EMID1: variants seen among roughly 807,000 people sequenced by gnomAD.
EMID1 encodes EMI domain-containing protein 1.
Under a neutral mutation model 60.6 loss-of-function variants are expected in EMID1, and 40 were observed. That is an observed-to-expected ratio of 0.66 (90% CI 0.51 to 0.86). The LOEUF is 0.86. Among genes scored for constraint, EMID1 ranks in the 40% least tolerant of loss-of-function variants. The pLI is 0.00. For synonymous variants in EMID1, 242 were observed against 231.0 expected, an observed-to-expected ratio of 1.05 and a Z score of -0.43; for missense variants, 585 against 597.1, an observed-to-expected ratio of 0.98 and a Z score of 0.21.
intron 1 of EMID1, among the ~76,000 whole-genome samples, chr22:29,209,253 G>A (rs1459452738): frequency 6.6e-6 from 1 of 152,180 alleles, no homozygotes; most frequent in East Asian, 1.9e-4. Flanking sequence ...GGGAGTGGCC[G>A]GTGCCAGGCT....
intron 1 of EMID1, among the ~76,000 whole-genome samples, chr22:29,213,183 G>A (rs555398492): frequency 2.0e-5 from 3 of 152,280 alleles, no homozygotes; most frequent in Admixed American, 6.5e-5. Context: ...CCCGTAACTA[G>A]GTGTGATAGC....
chr22:29,229,687 A>T (rs534778049), intron 5 of EMID1, among the ~76,000 whole-genome samples: 1 of 150,430 alleles, frequency 6.6e-6, no homozygotes, highest in African/African-American at 2.4e-5. Flanking sequence ...ATCAAATGGG[A>T]AAACCAAGCT....
intron 3 of EMID1, among the ~76,000 whole-genome samples, chr22:29,221,596 G>C (rs1377891301): frequency 6.6e-6 from 1 of 152,056 alleles, no homozygotes; most frequent in Non-Finnish European, 1.5e-5. Flanking sequence ...GGATGGTCTC[G>C]ATCTCCTGAC....
At chr22:29,210,635 C>T (rs530669501) in intron 1 of EMID1, among the ~76,000 whole-genome samples, 22 of 152,240 alleles carry the variant, frequency 1.4e-4, no homozygotes, top group South Asian at 4.2e-4. Flanking sequence ...TGAGCTGAAA[C>T]GATCCTCATC....
At chr22:29,226,365 T>C in intron 4 of EMID1, 125 bp from the exon 5 acceptor site, 8 of 1,032,984 alleles carry the variant, frequency 7.7e-6, no homozygotes, top group Non-Finnish European at 4.2e-6. Flanking sequence ...AAGCCTAAGG[T>C]CCCTCGTGGG....
chr22:29,239,906 C>CCTG (rs1165881552), intron 12 of EMID1, among the ~76,000 whole-genome samples: 10 of 115,194 alleles, frequency 8.7e-5, no homozygotes, highest in Non-Finnish European at 1.7e-4. Context: ...ACTACAGGCG[C>CCTG]CTGCCACCAC....
chr22:29,221,253 G>A (rs986570278), intron 3 of EMID1, among the ~76,000 whole-genome samples: 2 of 41,430 alleles, frequency 4.8e-5, no homozygotes, highest in African/African-American at 8.1e-5. Context: ...AGGCTAGGGA[G>A]GAGCCCTTCA....
chr22:29,234,459 C>A, intron 12 of EMID1, 110 bp downstream of exon 12: 2 of 1,279,728 alleles, frequency 1.6e-6, no homozygotes, highest in South Asian at 1.4e-5. Flanking sequence ...CCTGTCTTGT[C>A]ATTTATTTTC....
At chr22:29,218,899 A>T (rs2040186741) in intron 3 of EMID1, among the ~76,000 whole-genome samples, 1 of 152,154 alleles carries the variant, frequency 6.6e-6, no homozygotes, top group Non-Finnish European at 1.5e-5. Flanking sequence ...ACAGCAAGCA[A>T]GTATTGTCGC....
intron 14 of EMID1, among the ~76,000 whole-genome samples, chr22:29,257,147 C>T (rs2041733703): frequency 6.6e-6 from 1 of 152,130 alleles, no homozygotes; most frequent in South Asian, 2.1e-4. Context: ...CTCAGAAGTC[C>T]CACACCCACT....
rs1384270470 is a variant in EMID1, at chr22:29,248,314, A to G, written c.1119+4825A>G. Reference sequence around the variant, plus strand: ...AAATGTTTTTGCTAAAAACTAAGACACAAACACATACATTAGCCTAGGCCT... The same window carrying G: ...AAATGTTTTTGCTAAAAACTAAGACGCAAACACATACATTAGCCTAGGCCT... On this transcript the variant is annotated intron_variant, in intron 13 of 14. Coordinates refer to ENST00000334018, the MANE Select transcript of EMID1 (RefSeq NM_133455.4). Among the ~76,000 whole-genome samples, 5 of 148,364 alleles carry G rather than the reference A, an allele frequency of 3.4e-5. No individual in the cohort carries two copies. In the Admixed American group the frequency reaches 3.4e-4, roughly 10 times the overall value.
At chr22:29,257,370 T>C (rs1183561533) in intron 14 of EMID1, among the ~76,000 whole-genome samples, 1 of 152,212 alleles carries the variant, frequency 6.6e-6, no homozygotes, top group African/African-American at 2.4e-5. Flanking sequence ...CTGGGCTGGA[T>C]TGATCATCTC....
chr22:29,247,771 A>G (rs1292384020), intron 13 of EMID1, among the ~76,000 whole-genome samples: 1 of 151,840 alleles, frequency 6.6e-6, no homozygotes, highest in African/African-American at 2.4e-5. Context: ...CTGGGATTAC[A>G]AGCATGAGCC....
At position 29,234,319 on chromosome 22, in the gene EMID1, G is replaced by C. The variant is rs767787973; in HGVS notation, c.1044G>C (p.Glu348Asp). 3 of 1,614,012 alleles carry C rather than the reference G, an allele frequency of 1.9e-6. No individual in the cohort carries two copies. The African/African-American group carries it at 4.0e-5, about 22-fold the overall frequency. The change falls in exon 12 of 15, where the codon GAG becomes GAC. Residue 348 changes from glutamate (E) to aspartate (D), a missense_variant. Glu to Asp is a conservative substitution (Grantham distance 45, BLOSUM62 2). Coordinates refer to ENST00000334018, the MANE Select transcript of EMID1 (RefSeq NM_133455.4). ...GEKGERGLRG[E>D]PGPQGSAGQR... is the part of the protein sequence containing the mutation. ...CTCTTACACAGGGACTGCGTGGGGAGCCTGGCCCCCAAGGCTCTGCTGGGC... is the reference window on the plus strand; with the variant it reads ...CTCTTACACAGGGACTGCGTGGGGACCCTGGCCCCCAAGGCTCTGCTGGGC...
chr22:29,224,244 G>T (rs895866460), intron 3 of EMID1, among the ~76,000 whole-genome samples: 1 of 152,186 alleles, frequency 6.6e-6, no homozygotes, highest in African/African-American at 2.4e-5. Context: ...GCCCCGCTCC[G>T]AGCTGCCAGG....
intron 2 of EMID1, 108 bp from the exon 3 acceptor site, chr22:29,215,419 G>A: frequency 7.7e-6 from 10 of 1,303,942 alleles, no homozygotes; most frequent in Non-Finnish European, 1.1e-5. Flanking sequence ...GGACCTGGAG[G>A]CAGCAGAGGA....
intron 3 of EMID1, among the ~76,000 whole-genome samples, chr22:29,216,851 G>A (rs751205844): frequency 1.3e-5 from 2 of 152,254 alleles, no homozygotes; most frequent in Non-Finnish European, 2.9e-5. Flanking sequence ...GAAACCGGGT[G>A]GCTAGAGGGA....
intron 3 of EMID1, among the ~76,000 whole-genome samples, chr22:29,220,058 C>A (rs551507373): frequency 6.6e-6 from 1 of 152,182 alleles, no homozygotes; most frequent in Non-Finnish European, 1.5e-5. Flanking sequence ...CCATCCTGCA[C>A]GCCCAGCCAA....
intron 12 of EMID1, among the ~76,000 whole-genome samples, chr22:29,237,662 G>A (rs369871411): frequency 3.5e-5 from 5 of 143,750 alleles, no homozygotes; most frequent in Admixed American, 6.8e-5. Flanking sequence ...GTAGCTGGGC[G>A]TGCTGGCAGG....
Sources: gnomAD v4.1 joint callset for allele counts (sites outside exome capture counted in the v4.1 genomes callset) on GRCh38, gnomAD v4.1.1 for gene constraint, MANE v1.5 for transcripts, NCBI Gene and HGNC (gene_info 2026-07-23, HGNC 2026-07-21) for gene names.